Variants in GSE1 observed in about 807,000 individuals in gnomAD.
GSE1 encodes genetic suppressor element 1.
Under a neutral mutation model 112.6 loss-of-function variants are expected in GSE1, and 32 were observed. The observed-to-expected ratio is 0.28, with a 90% CI of 0.21 to 0.38. The LOEUF (loss-of-function observed/expected upper bound fraction) is 0.38, where lower values mean the gene tolerates loss of function less well. Among genes scored for constraint, GSE1 ranks in the 10% least tolerant of loss-of-function variants. The pLI is 1.00. For missense variants in GSE1, 2,348 were observed against 1,699.2 expected, an observed-to-expected ratio of 1.38 and a Z score of -6.71; for synonymous variants, 1,115 against 735.6, an observed-to-expected ratio of 1.52 and a Z score of -8.35.
chr16:85,404,631 C>A (rs1439571255), intron 2 of GSE1, among the ~76,000 whole-genome samples: 1 of 65,446 alleles, frequency 1.5e-5, no homozygotes, highest in Non-Finnish European at 2.9e-5. Flanking sequence ...TCAGGGCCCC[C>A]CTGGATAATC....
rs1260268419 is a variant in GSE1, at chr16:85,357,390, CAG to C, written c.2284-68_2284-67del. On this transcript the variant is annotated intron_variant, in intron 1 of 2. Transcript: ENST00000637419. ...GTCGGGGAGGAATGGCACCTATGGCCAGAGAGTCCATTCATGCATCATCCCCT... is the reference window on the plus strand; with the variant it reads ...GTCGGGGAGGAATGGCACCTATGGCCAGAGTCCATTCATGCATCATCCCCT... 4.1e-6 allele frequency: 4 copies of C among 979,734 alleles called. No individual in the cohort carries two copies. The African/African-American group carries it at 5.2e-5, about 13-fold the overall frequency. 60.7% of individuals were successfully genotyped at this position (979,734 alleles called of 1,614,324 possible). A position where few individuals can be genotyped will look rare whatever the true frequency, so the allele number is the denominator to read the frequency against.
exon 1 of GSE1, chr16:85,171,515 G>A: frequency 1.0e-6 from 1 of 985,610 alleles, no homozygotes; most frequent in Non-Finnish European, 1.2e-6. Flanking sequence ...CATGAGGCCC[G>A]CAGCTCCCAC....
At chr16:85,257,255 C>T (rs10468355) in intron 1 of GSE1, among the ~76,000 whole-genome samples, 15,236 of 152,122 alleles carry the variant, frequency 0.1, 1,371 homozygotes, top group African/African-American at 0.24. Flanking sequence ...ATTACAGGAG[C>T]CCTGCCACCA....
intron 2 of GSE1, among the ~76,000 whole-genome samples, chr16:85,639,202 C>T (rs568714740): frequency 5.3e-5 from 8 of 152,334 alleles, no homozygotes; most frequent in South Asian, 4.1e-4. Context: ...TCCCCGGGGC[C>T]GCCCAGCCCT....
chr16:85,410,923 G>A (rs866401511), intron 2 of GSE1, among the ~76,000 whole-genome samples: 1,159 of 34,126 alleles, frequency 0.034, no homozygotes, highest in East Asian at 0.052. Context: ...GGGCCCCCCT[G>A]GATAATCCTC....
intron 1 of GSE1, among the ~76,000 whole-genome samples, chr16:85,247,048 C>T (rs1010495257): frequency 6.6e-6 from 1 of 152,104 alleles, no homozygotes; most frequent in Non-Finnish European, 1.5e-5. Flanking sequence ...TCGTCACCTG[C>T]CCCACCCCCC....
intron 1 of GSE1, among the ~76,000 whole-genome samples, chr16:85,327,010 G>A (rs1183597041): frequency 1.3e-5 from 2 of 152,244 alleles, no homozygotes; most frequent in African/African-American, 4.8e-5. Context: ...GGCACCAGGG[G>A]AGGCAGCTCC....
chr16:85,198,738 AG>A (rs908396575), intron 1 of GSE1, among the ~76,000 whole-genome samples: 7 of 151,530 alleles, frequency 4.6e-5, no homozygotes, highest in African/African-American at 1.7e-4. Context: ...GCTCCTTGCC[AG>A]GCCTCCTTGT....
intron 1 of GSE1, among the ~76,000 whole-genome samples, chr16:85,186,622 T>A (rs1387746508): frequency 2.9e-5 from 4 of 139,190 alleles, no homozygotes; most frequent in South Asian, 2.3e-4. Context: ...AAAAAAAAAA[T>A]TTAGCCGTGT....
chr16:85,202,853 G>C (rs1378719700), intron 1 of GSE1, among the ~76,000 whole-genome samples: 1 of 152,206 alleles, frequency 6.6e-6, no homozygotes, highest in Non-Finnish European at 1.5e-5. Flanking sequence ...ATTGGGCCTT[G>C]TCCTGCGCTC....
At chr16:85,407,092 A>G (rs868430333) in intron 2 of GSE1, among the ~76,000 whole-genome samples, 3 of 2,310 alleles carry the variant, frequency 1.3e-3, no homozygotes, top group Non-Finnish European at 7.8e-4. Flanking sequence ...CCTCACTGTT[A>G]CACTCAGGGC....
chr16:85,318,279 G>A (rs996672652), intron 1 of GSE1, among the ~76,000 whole-genome samples: 2 of 152,124 alleles, frequency 1.3e-5, no homozygotes, highest in Admixed American at 1.3e-4. Context: ...TTTTTTGGAT[G>A]GGGGGATAGG....
At chr16:85,571,561 G>A (rs1397933904) in intron 1 of GSE1, among the ~76,000 whole-genome samples, 2 of 152,216 alleles carry the variant, frequency 1.3e-5, no homozygotes, top group Admixed American at 1.3e-4. Context: ...CACGGGCCTG[G>A]GAGCGTCACC....
chr16:85,508,121 G>A (rs193147051), intron 2 of GSE1, among the ~76,000 whole-genome samples: 183 of 152,260 alleles, frequency 1.2e-3, no homozygotes, highest in African/African-American at 4.1e-3. Flanking sequence ...TGCAATGTCC[G>A]TCCTCGGGTT....
chr16:85,212,409 A>C (rs939186082), intron 1 of GSE1, among the ~76,000 whole-genome samples: 10 of 152,138 alleles, frequency 6.6e-5, no homozygotes, highest in African/African-American at 2.4e-4. Flanking sequence ...AGGTCTCAAA[A>C]AAAACAAAAC....
intron 1 of GSE1, among the ~76,000 whole-genome samples, chr16:85,341,346 T>A (rs1263439542): frequency 1.3e-5 from 2 of 152,200 alleles, no homozygotes; most frequent in African/African-American, 2.4e-5. Context: ...TGTGCTACCA[T>A]GCTGAGCTAA....
At chr16:85,418,468 C>G (rs1006809501) in intron 2 of GSE1, among the ~76,000 whole-genome samples, 1 of 152,224 alleles carries the variant, frequency 6.6e-6, no homozygotes, top group African/African-American at 2.4e-5. Context: ...CCAGATCAGC[C>G]CTTAGCACAA....
chr16:85,668,527 T>C (rs1307328175), intron 14 of GSE1, 103 bp downstream of exon 14: 4 of 772,240 alleles, frequency 5.2e-6, no homozygotes, highest in Non-Finnish European at 8.3e-6. Flanking sequence ...CTGGGGACTG[T>C]TTCTCCGTCC....
chr16:85,299,139 G>A (rs2045448345), intron 1 of GSE1, among the ~76,000 whole-genome samples: 1 of 152,216 alleles, frequency 6.6e-6, no homozygotes, highest in African/African-American at 2.4e-5. Flanking sequence ...CAAATCCCAT[G>A]TCCGTATGTT....
Sources: gnomAD v4.1 joint callset for allele counts (sites outside exome capture counted in the v4.1 genomes callset) on GRCh38, gnomAD v4.1.1 for gene constraint, MANE v1.5 for transcripts, NCBI Gene and HGNC (gene_info 2026-07-23, HGNC 2026-07-21) for gene names.